CFAP54: variants seen among roughly 807,000 people sequenced by gnomAD.
CFAP54 encodes the protein cilia- and flagella-associated protein 54.
In CFAP54, 290 loss-of-function variants were observed where a neutral mutation model predicts 370.4. That is an observed-to-expected ratio of 0.78 (90% CI 0.71 to 0.86). The LOEUF (loss-of-function observed/expected upper bound fraction) is 0.86, where lower values mean the gene tolerates loss of function less well. CFAP54 is among the 40% of genes least tolerant of loss of function. The pLI is 0.00. For missense variants in CFAP54, 3,399 were observed against 3,528.7 expected (o/e 0.96, Z 0.93); for synonymous variants, 1,206 against 1,236.5 (o/e 0.98, Z 0.52).
chr12:96,752,169 C>T (rs1287240661), intron 55 of CFAP54, among the ~76,000 whole-genome samples: 10 of 144,906 alleles, frequency 6.9e-5, no homozygotes, highest in Non-Finnish European at 1.5e-4. Context: ...TCACATAGCA[C>T]ATGCCTGAAT....
intron 13 of CFAP54, among the ~76,000 whole-genome samples, chr12:96,539,351 G>A (rs938773981): frequency 3.9e-5 from 6 of 151,914 alleles, no homozygotes; most frequent in African/African-American, 9.7e-5. Context: ...GAGCCCCTGC[G>A]CCCGGCTTCA....
intron 33 of CFAP54, chr12:96,645,759 C>T (rs1257170153): frequency 1.3e-5 from 2 of 152,030 alleles, no homozygotes; most frequent in African/African-American, 2.4e-5. Context: ...GAGATATAGA[C>T]AAATGGAACA....
chr12:96,772,132 CAAAAG>C (rs1958468857), intron 60 of CFAP54, among the ~76,000 whole-genome samples: 1 of 152,032 alleles, frequency 6.6e-6, no homozygotes. Flanking sequence ...AATCAAAACT[CAAAAG>C]ATACGAAAGG....
chr12:96,495,385 G>A (rs1954939741), intron 1 of CFAP54, among the ~76,000 whole-genome samples: 1 of 151,476 alleles, frequency 6.6e-6, no homozygotes, highest in Non-Finnish European at 1.5e-5. Flanking sequence ...TTGGCTCACT[G>A]CTACGTCTGC....
At chr12:96,524,448 GTTTA>G (rs548503650) in intron 8 of CFAP54, among the ~76,000 whole-genome samples, 3 of 152,252 alleles carry the variant, frequency 2.0e-5, no homozygotes, top group African/African-American at 7.2e-5. Context: ...AGCTATCATT[GTTTA>G]TTTATTTTTT....
At chr12:96,499,708 G>A (rs1358524413) in intron 1 of CFAP54, among the ~76,000 whole-genome samples, 1 of 152,122 alleles carries the variant, frequency 6.6e-6, no homozygotes, top group Non-Finnish European at 1.5e-5. Context: ...CACTTTGGGT[G>A]GCCTAGGCGG....
rs2136471473 is a variant in CFAP54 at position 96,626,889 on chromosome 12, A to T, written c.4053A>T (p.Lys1351Asn). The change falls in exon 30 of 68, where the codon AAA (lysine) becomes AAT (asparagine). Residue 1351 changes from lysine (K) to asparagine (N), a missense_variant. Coordinates refer to ENST00000524981, the MANE Select transcript of CFAP54 (RefSeq NM_001306084.2). ...TGCTAAAATGCATGAATGAGGAAAA[A>T]TTTCATCTTATGGTAGAGGTAACAA... ...QVMLKCMNEE[K>N]FHLMVEVTTP... The T allele has an allele frequency of 1.4e-6, 2 of 1,435,004 alleles. No individual in the cohort carries two copies. The highest frequency in any genetic ancestry group is 3.0e-5 in the South Asian group (2 of 67,572). The allele number at this position is 1,435,004 out of a possible 1,614,324, so 88.9% of individuals were successfully genotyped here.
At chr12:96,727,297 T>A (rs372275552) in intron 50 of CFAP54, among the ~76,000 whole-genome samples, 1 of 151,980 alleles carries the variant, frequency 6.6e-6, no homozygotes, top group African/African-American at 2.4e-5. Flanking sequence ...CCCATTATTA[T>A]TGTGTGGGAG....
intron 28 of CFAP54, among the ~76,000 whole-genome samples, chr12:96,625,511 G>A (rs7975137): frequency 0.49 from 74,214 of 151,924 alleles, 18,542 homozygotes; most frequent in African/African-American, 0.55. Flanking sequence ...GCTTTTAGGG[G>A]GAAAAGTGAA....
At chr12:96,665,903 T>C (rs1234816694) in intron 39 of CFAP54, among the ~76,000 whole-genome samples, 2 of 152,212 alleles carry the variant, frequency 1.3e-5, no homozygotes, top group African/African-American at 4.8e-5. Flanking sequence ...TCTAAATTGC[T>C]TTGGGCAATA....
chr12:96,818,930 C>T (rs1447769610), intron 65 of CFAP54, among the ~76,000 whole-genome samples: 1 of 152,188 alleles, frequency 6.6e-6, no homozygotes, highest in Non-Finnish European at 1.5e-5. Flanking sequence ...TATATGTTCT[C>T]CCCTAATTAC....
chr12:96,599,434 G>C (rs550266231), intron 26 of CFAP54, among the ~76,000 whole-genome samples: 13 of 152,248 alleles, frequency 8.5e-5, no homozygotes, highest in African/African-American at 3.1e-4. Context: ...TTGGTTCCAA[G>C]TGTTTGCTAT....
At chr12:96,689,597 A>G (rs1404858367) in intron 43 of CFAP54, among the ~76,000 whole-genome samples, 1 of 152,156 alleles carries the variant, frequency 6.6e-6, no homozygotes, top group Non-Finnish European at 1.5e-5. Context: ...CTGACTTCAG[A>G]TAGTTGCCTT....
chr12:96,825,013 T>C (rs1459729125), intron 65 of CFAP54, among the ~76,000 whole-genome samples: 2 of 151,468 alleles, frequency 1.3e-5, no homozygotes, highest in Non-Finnish European at 2.9e-5. Flanking sequence ...GAATGTCCCC[T>C]GTTCATTGCT....
chr12:96,841,925 G>T (rs2136776152), intron 66 of CFAP54, among the ~76,000 whole-genome samples: 1 of 152,324 alleles, frequency 6.6e-6, no homozygotes, highest in African/African-American at 2.4e-5. Flanking sequence ...TCTCCGATAG[G>T]ATTACATTAG....
intron 32 of CFAP54, among the ~76,000 whole-genome samples, chr12:96,631,924 A>G (rs984565701): frequency 1.3e-5 from 2 of 151,814 alleles, no homozygotes; most frequent in African/African-American, 4.8e-5. Context: ...CGAACATTTT[A>G]GCATTACTAG....
chr12:96,621,563 A>G, intron 26 of CFAP54, 27 bp from the exon 27 acceptor site: 1 of 1,398,228 alleles, frequency 7.2e-7, no homozygotes, highest in Non-Finnish European at 9.5e-7. Context: ...TGTCCAACAG[A>G]GATAATTAAT....
intron 66 of CFAP54, among the ~76,000 whole-genome samples, chr12:96,852,594 C>A (rs1228086343): frequency 6.6e-6 from 1 of 151,950 alleles, no homozygotes; most frequent in African/African-American, 2.4e-5. Context: ...ATCTTCATGA[C>A]CTTGGTGTTA....
At chr12:96,842,959 A>G (rs1267007005) in intron 66 of CFAP54, among the ~76,000 whole-genome samples, 1 of 152,228 alleles carries the variant, frequency 6.6e-6, no homozygotes, top group East Asian at 1.9e-4. Context: ...TGGCTGCCTT[A>G]TAAGAACAGT....
Sources: allele counts gnomAD v4.1 joint callset (sites outside exome capture counted in the v4.1 genomes callset), GRCh38; gene constraint gnomAD v4.1.1; transcripts MANE v1.5; gene names NCBI Gene and HGNC (gene_info 2026-07-23, HGNC 2026-07-21).